Variants in PGBD2 observed in about 807,000 individuals in gnomAD.
PGBD2 encodes piggyBac transposable element-derived protein 2.
In PGBD2, 6 loss-of-function variants were observed where a neutral mutation model predicts 8.1. That is an observed-to-expected ratio of 0.74 (90% confidence interval 0.40 to 1.46). PGBD2 has a LOEUF of 1.46. PGBD2 is among the 40% of genes most tolerant of loss of function. The probability of loss-of-function intolerance (pLI) is 0.02; values close to 1 mark genes in which losing one functional copy is unlikely to be tolerated. For missense variants in PGBD2, 802 were observed against 739.0 expected (o/e 1.09, Z -0.99); for synonymous variants, 318 against 272.2 (o/e 1.17, Z -1.66).
At chr1:248,916,568 G>T in intron 2 of PGBD2, 34 bp from the exon 3 acceptor site, 1 of 1,585,718 alleles carries the variant, frequency 6.3e-7, no homozygotes, top group South Asian at 1.1e-5. Flanking sequence ...TTTCTGGCAT[G>T]GCCTCTTCCT....
upstream of PGBD2, among the ~76,000 whole-genome samples, chr1:248,902,044 G>A (rs780077513): frequency 1.3e-5 from 2 of 152,118 alleles, no homozygotes; most frequent in Non-Finnish European, 2.9e-5. Context: ...CAAGGCAAGC[G>A]GATCACTTGA....
chr1:248,896,554 C>T, the PGBD2 span, among the ~76,000 whole-genome samples: 2 of 152,162 alleles, frequency 1.3e-5, no homozygotes, highest in Non-Finnish European at 2.9e-5. Context: ...AAGCAATCTT[C>T]CTGCCTCAGC....
intron 2 of PGBD2, among the ~76,000 whole-genome samples, chr1:248,916,241 A>G (rs1412701876): frequency 6.6e-5 from 10 of 151,986 alleles, no homozygotes; most frequent in African/African-American, 1.9e-4. Context: ...GTGAAACCCC[A>G]TCTCTACTAA....
At chr1:248,873,826 G>C in the PGBD2 span, among the ~76,000 whole-genome samples, 7 of 152,216 alleles carry the variant, frequency 4.6e-5, no homozygotes, top group Non-Finnish European at 4.4e-5. Context: ...CAAGTATGAG[G>C]CTAAGTGAGA....
intron 1 of PGBD2, among the ~76,000 whole-genome samples, chr1:248,908,245 C>A (rs2103103203): frequency 6.6e-6 from 1 of 152,242 alleles, no homozygotes; most frequent in Non-Finnish European, 1.5e-5. Context: ...CCCCTAGGAC[C>A]CTTTAGAGTG....
chr1:248,884,326 C>G, the PGBD2 span, among the ~76,000 whole-genome samples: 1 of 148,058 alleles, frequency 6.8e-6, no homozygotes, highest in African/African-American at 2.6e-5. Flanking sequence ...GATCAGATTA[C>G]AGTTTTTCGT....
chr1:248,928,162 CT>C, the PGBD2 span, among the ~76,000 whole-genome samples: 1 of 152,040 alleles, frequency 6.6e-6, no homozygotes, highest in Admixed American at 6.6e-5. Context: ...CACAAGTTTT[CT>C]TTTTTAAAAA....
the PGBD2 span, among the ~76,000 whole-genome samples, chr1:248,883,584 CTTTTTTTTTTT>C: frequency 2.0e-4 from 18 of 89,164 alleles, no homozygotes; most frequent in African/African-American, 8.2e-4. Context: ...TTTTTTTTTT[CTTTTTTTTTTT>C]TTTTTTTTTT....
chr1:248,923,982 G>C (rs1333895276), downstream of PGBD2, among the ~76,000 whole-genome samples: 2 of 152,216 alleles, frequency 1.3e-5, no homozygotes, highest in Non-Finnish European at 2.9e-5. Context: ...ACACCAGAGA[G>C]TTTTAAAAAG....
intron 2 of PGBD2, chr1:248,914,492 G>A: frequency 1.6e-6 from 2 of 1,288,984 alleles, no homozygotes; most frequent in Admixed American, 2.3e-5. Flanking sequence ...GCAGCTGACA[G>A]TCAGTCTCCA....
At chr1:248,922,816 C>T (rs539784103), downstream of PGBD2, among the ~76,000 whole-genome samples, 1 of 152,136 alleles carries the variant, frequency 6.6e-6, no homozygotes, top group African/African-American at 2.4e-5. Flanking sequence ...CTGACTTGAT[C>T]GTGGTGGATA....
the PGBD2 span, among the ~76,000 whole-genome samples, chr1:248,878,938 G>A: frequency 2.0e-5 from 3 of 152,110 alleles, no homozygotes; most frequent in Non-Finnish European, 2.9e-5. Context: ...TCTATCTGTA[G>A]GCAGAAGTTA....
upstream of PGBD2, among the ~76,000 whole-genome samples, chr1:248,902,283 A>C (rs1422016072): frequency 6.6e-6 from 1 of 151,768 alleles, no homozygotes; most frequent in Non-Finnish European, 1.5e-5. Context: ...AAAAAAAAAA[A>C]CCTATAATGA....
chr1:248,910,493 C>T (rs753243658), intron 1 of PGBD2, among the ~76,000 whole-genome samples: 1 of 152,200 alleles, frequency 6.6e-6, no homozygotes, highest in Non-Finnish European at 1.5e-5. Flanking sequence ...GACAAGGGCA[C>T]CAGGAAGTCT....
chr1:248,907,519 C>A (rs757415430), intron 1 of PGBD2, among the ~76,000 whole-genome samples: 1 of 152,070 alleles, frequency 6.6e-6, no homozygotes, highest in Non-Finnish European at 1.5e-5. Flanking sequence ...TCTCTTCCCA[C>A]GAGGCTGTAT....
chr1:248,922,184 C>T (rs529317822), downstream of PGBD2, among the ~76,000 whole-genome samples: 3 of 151,792 alleles, frequency 2.0e-5, no homozygotes, highest in African/African-American at 4.8e-5. Flanking sequence ...CTCAGTCTCC[C>T]GAGTAGCTGG....
chr1:248,874,943 T>TAGATAGGC, the PGBD2 span, among the ~76,000 whole-genome samples: 2,935 of 150,632 alleles, frequency 0.019, 106 homozygotes, highest in African/African-American at 0.068. Context: ...GATAGATAGA[T>TAGATAGGC]AGATAGATAG....
chr1:248,898,883 A>G, the PGBD2 span, among the ~76,000 whole-genome samples: 1 of 152,222 alleles, frequency 6.6e-6, no homozygotes, highest in African/African-American at 2.4e-5. Flanking sequence ...AGAGACACAA[A>G]TAGGCTCAAA....
chr1:248,918,287 C>T lies in PGBD2; in HGVS notation c.1703C>T (p.Ser568Leu). 4 of 1,603,560 alleles carry T rather than the reference C, an allele frequency of 2.5e-6. No homozygotes were observed. Among genetic ancestry groups the T allele is most frequent in the Non-Finnish European group, 3.4e-6 (4 of 1,174,484 alleles). ...AGGACCCGGTGTGCCCTCTGCCACTCACAGACCAACACCCGGTGTGAGAAG... is the reference window on the plus strand; with the variant it reads ...AGGACCCGGTGTGCCCTCTGCCACTTACAGACCAACACCCGGTGTGAGAAG... The part of the protein sequence containing the change: ...DKRTRCALCH[S>L]QTNTRCEKCQ... The change falls in exon 3 of 3, where the codon TCA becomes TTA. Residue 568 changes from serine to leucine, a missense_variant. Coordinates refer to ENST00000329291, the MANE Select transcript of PGBD2 (RefSeq NM_170725.3).
Sources: gnomAD v4.1 joint callset for allele counts (sites outside exome capture counted in the v4.1 genomes callset) on GRCh38, gnomAD v4.1.1 for gene constraint, MANE v1.5 for transcripts, NCBI Gene and HGNC (gene_info 2026-07-23, HGNC 2026-07-21) for gene names.